Variants in TPTE observed in about 807,000 individuals in gnomAD.
TPTE encodes the protein transmembrane phosphatase with tensin homology.
In TPTE, 59 loss-of-function variants were observed where a neutral mutation model predicts 84.1. That is an observed-to-expected ratio of 0.70 (90% CI 0.57 to 0.87). The LOEUF is 0.87. Among genes scored for constraint, TPTE ranks in the 40% least tolerant of loss-of-function variants. TPTE has a pLI of 0.00. For synonymous variants in TPTE, 130 were observed against 223.5 expected, an observed-to-expected ratio of 0.58 and a Z score of 3.73; for missense variants, 382 against 659.6, an observed-to-expected ratio of 0.58 and a Z score of 4.61.
At chr21:10,530,550 C>T (rs1393425471) in intron 3 of TPTE, among the ~76,000 whole-genome samples, 2 of 152,306 alleles carry the variant, frequency 1.3e-5, no homozygotes, top group African/African-American at 4.8e-5. Context: ...AAAAATTGCA[C>T]AGCATGCATC....
At chr21:10,553,352 G>A (rs2074617694) in intron 8 of TPTE, among the ~76,000 whole-genome samples, 1 of 152,306 alleles carries the variant, frequency 6.6e-6, no homozygotes, top group African/African-American at 2.4e-5. Flanking sequence ...ACCAGCTTGT[G>A]TCAATGCTGG....
chr21:10,599,384 T>C (rs796451806), intron 21 of TPTE, among the ~76,000 whole-genome samples: 11 of 152,276 alleles, frequency 7.2e-5, no homozygotes, highest in Admixed American at 5.2e-4. Context: ...TCCTGAAATA[T>C]GCATTCTGAA....
chr21:10,591,947 G>T (rs1179649109), intron 18 of TPTE, among the ~76,000 whole-genome samples: 1 of 152,308 alleles, frequency 6.6e-6, no homozygotes, highest in Non-Finnish European at 1.5e-5. Flanking sequence ...CGGATCTCTT[G>T]AGGTCAAGAG....
intron 17 of TPTE, 120 bp from the exon 18 acceptor site, chr21:10,590,342 C>A: frequency 6.5e-7 from 1 of 1,538,488 alleles, no homozygotes; most frequent in Non-Finnish European, 8.8e-7. Flanking sequence ...GCCTGCGTGA[C>A]ACAGCAAGAC....
At chr21:10,539,882 A>G (rs1410701467) in intron 4 of TPTE, among the ~76,000 whole-genome samples, 1 of 152,310 alleles carries the variant, frequency 6.6e-6, no homozygotes, top group Non-Finnish European at 1.5e-5. Context: ...GGTGGCAGGC[A>G]CCTGTAGTCC....
intron 10 of TPTE, among the ~76,000 whole-genome samples, chr21:10,565,131 CTA>C (rs1190272203): frequency 6.6e-6 from 1 of 152,306 alleles, no homozygotes; most frequent in Non-Finnish European, 1.5e-5. Context: ...CCAAAAAAAA[CTA>C]TTAGAATTGA....
chr21:10,554,051 G>A (rs2074631175), intron 8 of TPTE, among the ~76,000 whole-genome samples: 2 of 152,296 alleles, frequency 1.3e-5, no homozygotes, highest in South Asian at 4.1e-4. Context: ...GCACTTCTAA[G>A]TTCTTTAAGC....
intron 3 of TPTE, among the ~76,000 whole-genome samples, chr21:10,533,314 T>C (rs2074210828): frequency 6.6e-6 from 1 of 152,310 alleles, no homozygotes; most frequent in Non-Finnish European, 1.5e-5. Flanking sequence ...ACGACTCCCA[T>C]TCTCATTTCA....
chr21:10,554,396 T>C (rs966822181), intron 8 of TPTE, among the ~76,000 whole-genome samples: 15 of 152,252 alleles, frequency 9.9e-5, no homozygotes, highest in Admixed American at 6.5e-5. Context: ...GCTATTGATA[T>C]TGATATGTGC....
At chr21:10,532,443 TAC>T (rs1291691632) in intron 3 of TPTE, among the ~76,000 whole-genome samples, 1 of 152,308 alleles carries the variant, frequency 6.6e-6, no homozygotes, top group Non-Finnish European at 1.5e-5. Context: ...TTTGCAAAGA[TAC>T]ACACTTTTGT....
chr21:10,559,379 A>C, intron 8 of TPTE, 115 bp from the exon 9 acceptor site: 8 of 1,484,574 alleles, frequency 5.4e-6, no homozygotes, highest in Non-Finnish European at 7.2e-6. Flanking sequence ...TTGTTATACA[A>C]CTTCTGAATA....
At chr21:10,523,335 A>G (rs2074018576) in intron 1 of TPTE, among the ~76,000 whole-genome samples, 1 of 152,182 alleles carries the variant, frequency 6.6e-6, no homozygotes, top group Non-Finnish European at 1.5e-5. Context: ...GTTTTAGGGT[A>G]CATGTGCACA....
At chr21:10,570,398 G>C in intron 13 of TPTE, 87 bp from the exon 14 acceptor site, 7 of 1,596,670 alleles carry the variant, frequency 4.4e-6, no homozygotes, top group South Asian at 2.3e-5. Context: ...CTGTGAAAAT[G>C]GAATCTGATC....
chr21:10,541,955 CCT>C (rs1248012019), intron 5 of TPTE, among the ~76,000 whole-genome samples: 1 of 152,306 alleles, frequency 6.6e-6, no homozygotes, highest in Non-Finnish European at 1.5e-5. Context: ...GGATTGTGCC[CCT>C]GTGTCAGACC....
intron 14 of TPTE, among the ~76,000 whole-genome samples, chr21:10,576,838 C>CATATATATATATATAT (rs56285862): frequency 1.6e-4 from 22 of 135,950 alleles, no homozygotes; most frequent in Non-Finnish European, 2.3e-4. Flanking sequence ...TACATATATA[C>CATATATATATATATAT]ATATATATAT....
chr21:10,561,245 G>A (rs1337752117), intron 10 of TPTE, 54 bp downstream of exon 10: 4 of 1,602,046 alleles, frequency 2.5e-6, no homozygotes, highest in Non-Finnish European at 2.6e-6. Context: ...TTTATAAGAA[G>A]CACTTTCGGA....
chr21:10,603,684 T>A (rs1337708322), intron 23 of TPTE, 52 bp downstream of exon 23: 1 of 1,590,262 alleles, frequency 6.3e-7, no homozygotes, highest in African/African-American at 1.3e-5. Flanking sequence ...AATGTCTATG[T>A]ATAAGGTGTA....
At chr21:10,533,070 T>G (rs1228039831) in intron 3 of TPTE, among the ~76,000 whole-genome samples, 1 of 152,308 alleles carries the variant, frequency 6.6e-6, no homozygotes. Flanking sequence ...CATTTCTTCT[T>G]AGATTTCCAT....
intron 11 of TPTE, among the ~76,000 whole-genome samples, chr21:10,569,012 T>G (rs1004033082): frequency 6.6e-6 from 1 of 152,300 alleles, no homozygotes; most frequent in African/African-American, 2.4e-5. Flanking sequence ...AATAATCGAT[T>G]TGTTTTGATG....
Sources: allele counts gnomAD v4.1 joint callset (sites outside exome capture counted in the v4.1 genomes callset), GRCh38; gene constraint gnomAD v4.1.1; transcripts MANE v1.5; gene names NCBI Gene and HGNC (gene_info 2026-07-23, HGNC 2026-07-21).